Variants in BACE1 observed in about 807,000 individuals in gnomAD.
BACE1 encodes the protein beta-secretase 1, also known as APP beta-secretase.
Under a neutral mutation model 54.0 loss-of-function variants are expected in BACE1, and 21 were observed. That is an observed-to-expected ratio of 0.39 (90% CI 0.28 to 0.56). The LOEUF is 0.56. Among genes scored for constraint, BACE1 ranks in the 20% least tolerant of loss-of-function variants. The pLI, the probability that BACE1 is intolerant of heterozygous loss-of-function variation, is 0.63. For synonymous variants in BACE1, 232 were observed against 260.9 expected, an observed-to-expected ratio of 0.89 and a Z score of 1.07; for missense variants, 511 against 661.2, an observed-to-expected ratio of 0.77 and a Z score of 2.49.
At chr11:117,313,138 G>A (rs1453577361) in intron 1 of BACE1, among the ~76,000 whole-genome samples, 1 of 152,180 alleles carries the variant, frequency 6.6e-6, no homozygotes, top group Non-Finnish European at 1.5e-5. Flanking sequence ...AAGAAAGGGC[G>A]TCCTTCTTAC....
Position 117,293,920 on chromosome 11 carries a change from CCAGCACCACAAAGCTGCAGGGAGAAGAGG to C in BACE1, c.627_655del (p.Asn209LysfsTer8). 1 of 1,613,898 alleles carries C rather than the reference CCAGCACCACAAAGCTGCAGGGAGAAGAGG, an allele frequency of 6.2e-7. No individual in the cohort carries two copies. Among genetic ancestry groups the C allele is most frequent in the Non-Finnish European group, 8.5e-7 (1 of 1,179,940 alleles). ...CACTTCAGACTGGTTGAGGGGGAAG[CCAGCACCACAAAGCTGCAGGGAGAAGAGG>C]TTGGGAACGTGGGTCTGCTTTACCA... On this transcript the variant is annotated frameshift_variant, in exon 4 of 9. Coordinates refer to ENST00000313005, the MANE Select transcript of BACE1 (RefSeq NM_012104.6). LOFTEE classifies it high-confidence loss of function. This position sits in a 1 kb window ranked among gnomAD's most constrained non-coding sequence, Gnocchi z 4.1.
At position 117,315,442 on chromosome 11, in the gene BACE1, C is replaced by T; in HGVS notation, c.261+93G>A. ...GGGTCCCTCCTGCTGTCCCCACCAG[C>T]CCATTTGAGCAGGGGCTAGCTTGAG... On this transcript the variant is annotated intron_variant, in intron 1 of 8. Coordinates refer to ENST00000313005, the MANE Select transcript of BACE1 (RefSeq NM_012104.6). This position sits in a 1 kb window ranked among gnomAD's most constrained non-coding sequence, Gnocchi z 5.5. 3.4e-6 allele frequency: 5 copies of T among 1,487,242 alleles called. No individual in the cohort carries two copies. The highest frequency in any genetic ancestry group is 4.5e-6 in the Non-Finnish European group (5 of 1,120,142). 92.1% of individuals were successfully genotyped at this position (1,487,242 alleles called of 1,614,324 possible).
In BACE1 at chr11:117,315,712, C is replaced by T. The variant is rs762136477; in HGVS notation, c.84G>A (p.Leu28=). 9.6e-4 allele frequency: 1,428 copies of T among 1,493,496 alleles called. 1 individual carries two copies. Among genetic ancestry groups the T allele is most frequent in the Non-Finnish European group, 1.2e-3 (1,328 of 1,124,430 alleles). 92.5% of individuals were successfully genotyped at this position (1,493,496 alleles called of 1,614,324 possible). Residue 28 remains leucine (L), a synonymous_variant, in exon 1 of 9, where the codon CTG becomes CTA. Transcript: ENST00000313005. This position sits in a 1 kb window ranked among gnomAD's most constrained non-coding sequence, Gnocchi z 5.5. The part of the protein sequence containing the change: ...PAHGTQHGIR[L]PLRSGLGGAP... ...CGCCCCCCAGGCCGCTGCGCAGGGGCAGCCGGATGCCGTGCTGGGTGCCGT... is the reference window on the plus strand; with the variant it reads ...CGCCCCCCAGGCCGCTGCGCAGGGGTAGCCGGATGCCGTGCTGGGTGCCGT...
At chr11:117,295,087 G>A in intron 3 of BACE1, 44 bp downstream of exon 3, 1 of 1,523,922 alleles carries the variant, frequency 6.6e-7, no homozygotes, top group Non-Finnish European at 9.1e-7. Context: ...TCTGTATAGT[G>A]CAGTGTGCAT....
intron 1 of BACE1, among the ~76,000 whole-genome samples, chr11:117,297,966 A>G (rs925557779): frequency 1.3e-4 from 20 of 152,110 alleles, no homozygotes; most frequent in African/African-American, 4.3e-4. Flanking sequence ...TCTGGGGTAA[A>G]ATATCTTGGT....
At chr11:117,310,001 C>T (rs1246604177) in intron 1 of BACE1, among the ~76,000 whole-genome samples, 1 of 151,898 alleles carries the variant, frequency 6.6e-6, no homozygotes, top group Non-Finnish European at 1.5e-5. Context: ...CTCCACCTCA[C>T]GGGCTCAAGC....
intron 1 of BACE1, among the ~76,000 whole-genome samples, chr11:117,306,260 C>T (rs1274158104): frequency 1.3e-5 from 2 of 152,158 alleles, no homozygotes; most frequent in Non-Finnish European, 2.9e-5. Flanking sequence ...ACCCATGCTC[C>T]ACAAGGTATC....
At chr11:117,314,093 G>A (rs1431927547) in intron 1 of BACE1, among the ~76,000 whole-genome samples, 3 of 152,272 alleles carry the variant, frequency 2.0e-5, no homozygotes, top group Non-Finnish European at 2.9e-5. Context: ...CTGCAGCCCC[G>A]TCCTGCATCG....
intron 1 of BACE1, among the ~76,000 whole-genome samples, chr11:117,310,975 C>CTT (rs750673315): frequency 8.4e-5 from 12 of 142,020 alleles, no homozygotes; most frequent in Non-Finnish European, 1.1e-4. Flanking sequence ...TGATAAAGAC[C>CTT]TTTTTTTTTT....
At chr11:117,297,078 C>T in intron 1 of BACE1, 117 bp from the exon 2 acceptor site, 1 of 787,590 alleles carries the variant, frequency 1.3e-6, no homozygotes, top group Non-Finnish European at 2.1e-6. Context: ...GAGTGAAGCT[C>T]CACGATGCAG....
rs1803877449 is a variant in BACE1 at position 117,287,395 on chromosome 11, T to G, written c.*2171A>C. 1 of 152,578 alleles carries G rather than the reference T, an allele frequency of 6.6e-6. No individual in the cohort carries two copies. The highest frequency in any genetic ancestry group is 2.4e-5 in the African/African-American group (1 of 41,440). The allele number at this position is 152,578 out of a possible 1,614,324, so 9.5% of individuals were successfully genotyped here. On this transcript the variant is annotated 3_prime_UTR_variant, in exon 9 of 9. Coordinates refer to ENST00000313005, the MANE Select transcript of BACE1 (RefSeq NM_012104.6). Reference sequence around the variant, plus strand: ...ATTTTTCAGGAGCAGAATTTAAAAATACAGATGTATAATACATATTTTTAC... The same window carrying G: ...ATTTTTCAGGAGCAGAATTTAAAAAGACAGATGTATAATACATATTTTTAC...
Position 117,291,689 on chromosome 11 carries a change from A to G in BACE1, c.942+23T>C, listed in dbSNP as rs573665061. The G allele has an allele frequency of 3.9e-6, 6 of 1,546,296 alleles. No individual in the cohort carries two copies. In the African/African-American group the frequency reaches 6.8e-5, roughly 18 times the overall value. ...CCTCTGACACTGTACCATCTCTTTT[A>G]CCCCCATCCTTAGTCCACTCACGGA... On this transcript the variant is annotated intron_variant, in intron 6 of 8. Transcript: ENST00000313005.
chr11:117,299,007 C>T (rs539831940), intron 1 of BACE1, among the ~76,000 whole-genome samples: 11 of 152,156 alleles, frequency 7.2e-5, no homozygotes, highest in Admixed American at 2.6e-4. Flanking sequence ...GGTTTCACCA[C>T]GTTGGCCAGG....
At position 117,288,830 on chromosome 11, in the gene BACE1, AGAAAACATT is replaced by A. The variant is rs1157987303; in HGVS notation, c.*727_*735del. 6.6e-6 allele frequency: 1 copy of A among 152,230 alleles called. No homozygotes were observed. Among genetic ancestry groups the A allele is most frequent in the African/African-American group, 2.4e-5 (1 of 41,430 alleles). 9.4% of individuals were successfully genotyped at this position (152,230 alleles called of 1,614,324 possible). On this transcript the variant is annotated 3_prime_UTR_variant, in exon 9 of 9. Coordinates refer to ENST00000313005, the MANE Select transcript of BACE1 (RefSeq NM_012104.6). ...TTTGGTCAGGCTGCAACCACAGAAA[AGAAAACATT>A]GAAAACAACACCCATCTTCTGAGAT...
Position 117,289,538 on chromosome 11 carries a change from A to AATCTCTATCTTCTGCCCATGGGC in BACE1, c.*5_*27dup, listed in dbSNP as rs2034351935. Reference sequence around the variant, plus strand: ...GAACCACGGAGGTGTGGTCCAGGGGAATCTCTATCTTCTGCCCATGGGCCT... The same window carrying AATCTCTATCTTCTGCCCATGGGC: ...GAACCACGGAGGTGTGGTCCAGGGGAATCTCTATCTTCTGCCCATGGGCATCTCTATCTTCTGCCCATGGGCCT... On this transcript the variant is annotated 3_prime_UTR_variant, in exon 9 of 9. Transcript: ENST00000313005. The AATCTCTATCTTCTGCCCATGGGC allele has an allele frequency of 1.2e-6, 2 of 1,611,404 alleles. No homozygotes were observed. Among genetic ancestry groups the AATCTCTATCTTCTGCCCATGGGC allele is most frequent in the South Asian group, 2.2e-5 (2 of 90,668 alleles).
chr11:117,289,882 G>C, intron 8 of BACE1, 75 bp from the exon 9 acceptor site: 4 of 1,357,788 alleles, frequency 2.9e-6, no homozygotes, highest in Non-Finnish European at 4.2e-6. Context: ...TCCTGATAGT[G>C]AGGCCTTGAA....
In BACE1 at chr11:117,291,065, G is replaced by T; in HGVS notation, c.943-16C>A. ...ACTTCTCCGTCTGTGTTGGCAAGAA[G>T]GGGATAACAATGAGGAAAAGCCTCT... On this transcript the variant is annotated splice_polypyrimidine_tract_variant and intron_variant, in intron 6 of 8. Transcript: ENST00000313005. 1 of 1,613,438 alleles carries T rather than the reference G, an allele frequency of 6.2e-7. No individual in the cohort carries two copies. Among genetic ancestry groups the T allele is most frequent in the South Asian group, 1.1e-5 (1 of 91,030 alleles).
chr11:117,291,790 C>G lies in BACE1; in HGVS notation c.864G>C (p.Val288=), dbSNP rs1331703348. 1 of 1,612,772 alleles carries G rather than the reference C, an allele frequency of 6.2e-7. No homozygotes were observed. Among genetic ancestry groups the G allele is most frequent in the Admixed American group, 1.7e-5 (1 of 60,000 alleles). ...AACGAAGGTTGGTGGTGCCACTGTC[C>G]ACAATGCTCTTGTCATAGTTGTACT... ...CKEYNYDKSI[V]DSGTTNLRLP... Residue 288 remains valine, a synonymous_variant, in exon 6 of 9, where the codon GTG becomes GTC. Transcript: ENST00000313005.
intron 1 of BACE1, among the ~76,000 whole-genome samples, chr11:117,300,081 A>G (rs1342984937): frequency 1.3e-5 from 2 of 150,332 alleles, no homozygotes; most frequent in Non-Finnish European, 3.0e-5. Flanking sequence ...TCTGCAGGGT[A>G]CTCCCACCCC....
Sources: allele counts gnomAD v4.1 joint callset (sites outside exome capture counted in the v4.1 genomes callset), GRCh38; gene constraint gnomAD v4.1.1; non-coding constraint Gnocchi (gnomAD v3.1); transcripts MANE v1.5; gene names NCBI Gene and HGNC (gene_info 2026-07-23, HGNC 2026-07-21).